CACNA1A: variants seen among roughly 807,000 people sequenced by gnomAD.
CACNA1A encodes voltage-dependent P/Q-type calcium channel subunit alpha-1A.
Under a neutral mutation model 262.4 loss-of-function variants are expected in CACNA1A, and 57 were observed. The observed-to-expected ratio is 0.22, with a 90% confidence interval of 0.18 to 0.27. The LOEUF (loss-of-function observed/expected upper bound fraction) is 0.27. Among genes scored for constraint, CACNA1A ranks in the 10% least tolerant of loss-of-function variants. The pLI, the probability that CACNA1A is intolerant of heterozygous loss-of-function variation, is 1.00. For missense variants in CACNA1A, 2,526 were observed against 3,562.8 expected, an observed-to-expected ratio of 0.71 and a Z score of 7.41; for synonymous variants, 1,431 against 1,419.3, an observed-to-expected ratio of 1.01 and a Z score of -0.18.
chr19:13,230,303 C>T (rs1200655264), intron 35 of CACNA1A, 94 bp from the exon 36 acceptor site: 2 of 1,410,744 alleles, frequency 1.4e-6, no homozygotes, highest in East Asian at 4.7e-5. Flanking sequence ...GACGGACAGA[C>T]AGACCCAAAG....
At chr19:13,226,253 C>CGGGGGGGGGGGGGGGGGGAG (rs55778152) in intron 37 of CACNA1A, 1 of 55,850 alleles carries the variant, frequency 1.8e-5, no homozygotes, top group African/African-American at 8.0e-5. Flanking sequence ...TGAGGAAAAC[C>CGGGGGGGGGGGGGGGGGGAG]GGGGGGGGGG....
intron 6 of CACNA1A, among the ~76,000 whole-genome samples, chr19:13,337,841 C>T (rs936441242): frequency 1.3e-5 from 2 of 152,182 alleles, no homozygotes; most frequent in Non-Finnish European, 2.9e-5. Flanking sequence ...ATGGTCTCGC[C>T]TATTGCTCCT....
At chr19:13,499,603 T>A (rs559574484) in intron 1 of CACNA1A, among the ~76,000 whole-genome samples, 47 of 152,288 alleles carry the variant, frequency 3.1e-4, no homozygotes, top group African/African-American at 1.1e-3. Context: ...TGGCCATTTT[T>A]CACGCACGAC....
intron 3 of CACNA1A, among the ~76,000 whole-genome samples, chr19:13,436,969 C>A (rs1349307221): frequency 1.3e-5 from 2 of 152,190 alleles, no homozygotes; most frequent in Non-Finnish European, 2.9e-5. Context: ...AACAGGGGAA[C>A]CTCTTTTCAG....
intron 3 of CACNA1A, among the ~76,000 whole-genome samples, chr19:13,433,310 A>C (rs2060549786): frequency 6.7e-6 from 1 of 149,850 alleles, no homozygotes; most frequent in Non-Finnish European, 1.5e-5. Context: ...AAAAAAAAAA[A>C]ATTACCCAGG....
chr19:13,262,514 T>A, intron 25 of CACNA1A: 1 of 521,098 alleles, frequency 1.9e-6, no homozygotes, highest in Non-Finnish European at 3.4e-6. Context: ...AGACACTTCA[T>A]CTAAAGAAAA....
chr19:13,482,848 T>TTGTGTGTGTGTGTGTGTGTG (rs34754803), intron 1 of CACNA1A, among the ~76,000 whole-genome samples: 2 of 133,924 alleles, frequency 1.5e-5, no homozygotes, highest in South Asian at 2.7e-4. Flanking sequence ...TTCTCTCAAC[T>TTGTGTGTGTGTGTGTGTGTG]TGTGTGTGTG....
chr19:13,446,090 T>G (rs7258389), intron 3 of CACNA1A, among the ~76,000 whole-genome samples: 19,202 of 151,728 alleles, frequency 0.13, 1,551 homozygotes, highest in East Asian at 0.26. Context: ...GTCTGGCTGA[T>G]AGTGTGAAAC....
intron 38 of CACNA1A, among the ~76,000 whole-genome samples, chr19:13,220,192 C>T (rs1352186278): frequency 1.3e-5 from 2 of 151,664 alleles, no homozygotes; most frequent in East Asian, 3.9e-4. Context: ...ACCTGGGAGG[C>T]GGAGATTGCA....
At chr19:13,314,690 G>C (rs1455275255) in intron 11 of CACNA1A, among the ~76,000 whole-genome samples, 17 of 152,112 alleles carry the variant, frequency 1.1e-4, no homozygotes, top group Admixed American at 8.5e-4. Context: ...ACCCAGTCTC[G>C]GGTAATTTGT....
intron 35 of CACNA1A, among the ~76,000 whole-genome samples, chr19:13,230,821 AAG>A (rs548134311): frequency 1.3e-5 from 2 of 151,278 alleles, no homozygotes; most frequent in African/African-American, 2.4e-5. Flanking sequence ...AAAAAAAAAA[AAG>A]AGAGAGAGAG....
intron 19 of CACNA1A, 131 bp downstream of exon 19, chr19:13,298,413 G>A (rs943773928): frequency 1.9e-5 from 16 of 854,600 alleles, no homozygotes; most frequent in Middle Eastern, 3.7e-4. Context: ...ACAGGCGTGA[G>A]CCACTGCGCC....
chr19:13,238,288 G>C (rs1198568058), intron 31 of CACNA1A, among the ~76,000 whole-genome samples: 1 of 152,128 alleles, frequency 6.6e-6, no homozygotes, highest in African/African-American at 2.4e-5. Flanking sequence ...TTCCTGGCTA[G>C]AATGTGATGG....
intron 12 of CACNA1A, among the ~76,000 whole-genome samples, chr19:13,312,349 T>A (rs2058051358): frequency 6.6e-6 from 1 of 152,214 alleles, no homozygotes; most frequent in African/African-American, 2.4e-5. Context: ...TTTGTAATCC[T>A]GAAGTTGGGT....
rs2054587721 is a variant in CACNA1A, at chr19:13,206,944, G to GCTTTTT, written c.*368_*369insAAAAAG. 1.5e-5 allele frequency: 1 copy of GCTTTTT among 65,110 alleles called. No individual in the cohort carries two copies. Among genetic ancestry groups the GCTTTTT allele is most frequent in the African/African-American group, 6.3e-5 (1 of 15,854 alleles). The allele number at this position is 65,110 out of a possible 1,614,324, so 4.0% of individuals were successfully genotyped here. On this transcript the variant is annotated 3_prime_UTR_variant, in exon 47 of 47. Transcript: ENST00000360228. ...TCTCCCCGTTTTTTCTTTTAAAAAT[G>GCTTTTT]TTTTTTTTTTTTTTTTTTTTTTTTT...
At chr19:13,335,573 TA>T (rs903637958) in intron 7 of CACNA1A, among the ~76,000 whole-genome samples, 1 of 152,004 alleles carries the variant, frequency 6.6e-6, no homozygotes, top group African/African-American at 2.4e-5. Context: ...TATTGGTTTT[TA>T]AAAAAAATGT....
At chr19:13,466,303 T>C (rs1002042361) in intron 1 of CACNA1A, among the ~76,000 whole-genome samples, 1 of 150,964 alleles carries the variant, frequency 6.6e-6, no homozygotes, top group Non-Finnish European at 1.5e-5. Context: ...AGTGAGGCTC[T>C]GTCCTTTTTT....
At position 13,259,584 on chromosome 19, in the gene CACNA1A, G is replaced by T. The variant is rs1456814896; in HGVS notation, c.4368C>A (p.Ser1456=). 1 of 1,608,280 alleles carries T rather than the reference G, an allele frequency of 6.2e-7. No individual in the cohort carries two copies. The highest frequency in any genetic ancestry group is 1.3e-5 in the African/African-American group (1 of 74,744). Residue 1456 remains serine, a synonymous_variant, in exon 27 of 47, where the codon TCC becomes TCA. Coordinates refer to ENST00000360228, the MANE Select transcript of CACNA1A (RefSeq NM_001127222.2). ...LWALLTLFTV[S]TGEGWPQVLK... Reference sequence around the variant, plus strand: ...CTTACTGTGGCCAGCCTTCTCCCGTGGACACGGTGAAGAGGGTCAGCAGAG... The same window carrying T: ...CTTACTGTGGCCAGCCTTCTCCCGTTGACACGGTGAAGAGGGTCAGCAGAG...
Position 13,232,087 on chromosome 19 carries a change from C to A in CACNA1A, c.5250-227G>T, listed in dbSNP as rs76981139. On this transcript the variant is annotated intron_variant, in intron 34 of 46. Coordinates refer to ENST00000360228, the MANE Select transcript of CACNA1A (RefSeq NM_001127222.2). ...TGAAAAAATACCAATGCCCGTGCCC[C>A]ACCCCAGCAGACTTGGATTCAGTTG... 2.6e-5 allele frequency among the ~76,000 whole-genome samples: 4 copies of A among 152,322 alleles called. No individual in the cohort carries two copies. The East Asian group carries it at 5.8e-4, about 22-fold the overall frequency.
Sources: gnomAD v4.1 joint callset for allele counts (sites outside exome capture counted in the v4.1 genomes callset) on GRCh38, gnomAD v4.1.1 for gene constraint, MANE v1.5 for transcripts, NCBI Gene and HGNC (gene_info 2026-07-23, HGNC 2026-07-21) for gene names.